Variants in EXOC1 observed in about 807,000 individuals in gnomAD.
EXOC1 encodes the protein exocyst complex component 1.
A neutral mutation model predicts 107.7 loss-of-function variants in EXOC1; 67 were observed. That is an observed-to-expected ratio of 0.62 (90% CI 0.51 to 0.76). The LOEUF is 0.76. Ranked by LOEUF, EXOC1 falls within the 30% of genes least tolerant of loss-of-function variation. The pLI is 0.00. For missense variants in EXOC1, 833 were observed against 1,055.7 expected (o/e 0.79, Z 2.92); for synonymous variants, 348 against 353.5 (o/e 0.98, Z 0.17).
intron 8 of EXOC1, among the ~76,000 whole-genome samples, chr4:55,873,492 T>G (rs1339705105): frequency 1.3e-5 from 2 of 152,208 alleles, no homozygotes; most frequent in Admixed American, 1.3e-4. Context: ...TGTTAGATAG[T>G]ATTGAAAATA....
intron 8 of EXOC1, chr4:55,876,892 T>G (rs1258869352): frequency 3.0e-6 from 3 of 985,246 alleles, no homozygotes; most frequent in Admixed American, 6.1e-5. Flanking sequence ...TTGAAAACAT[T>G]TATGAAGAAG....
Position 55,864,295 on chromosome 4 carries a change from G to T in EXOC1, c.324G>T (p.Lys108Asn), listed in dbSNP as rs748085616. 1.2e-6 allele frequency: 2 copies of T among 1,608,706 alleles called. No homozygotes were observed. Among genetic ancestry groups the T allele is most frequent in the African/African-American group, 1.3e-5 (1 of 74,932 alleles). Reference protein sequence around the residue: ...YKWVASSTAEKNAFISCIWKL... With the variant: ...YKWVASSTAENNAFISCIWKL... ...GGGTTGCCAGCAGCACTGCTGAAAA[G>T]AATGCATTTATTTCATGCATTTGGA... Residue 108 changes from lysine to asparagine, a missense_variant, in exon 4 of 19, where the codon AAG becomes AAT. Lys to Asn is a moderately conservative substitution (Grantham distance 94). Coordinates refer to ENST00000381295, the MANE Select transcript of EXOC1 (RefSeq NM_001024924.2).
In EXOC1 at chr4:55,871,203, C is replaced by CT; in HGVS notation, c.935dup (p.Gln313AlafsTer12). 6.2e-7 allele frequency: 1 copy of CT among 1,613,834 alleles called. No homozygotes were observed. The highest frequency in any genetic ancestry group is 1.1e-5 in the South Asian group (1 of 91,068). On this transcript the variant is annotated frameshift_variant, in exon 7 of 19. Coordinates refer to ENST00000381295, the MANE Select transcript of EXOC1 (RefSeq NM_001024924.2). LOFTEE classifies it high-confidence loss of function. ...CTGCACCAATGCTGCTGATGCCCTT[C>CT]TGCAGTGCATGAATGTAGCTCTTCG...
chr4:55,884,912 A>G (rs1723724847), intron 10 of EXOC1, among the ~76,000 whole-genome samples: 1 of 152,188 alleles, frequency 6.6e-6, no homozygotes, highest in Non-Finnish European at 1.5e-5. Flanking sequence ...AAAATGCAAC[A>G]CTAATATATT....
intron 10 of EXOC1, among the ~76,000 whole-genome samples, chr4:55,884,488 G>C (rs1317387485): frequency 1.3e-5 from 2 of 152,194 alleles, no homozygotes; most frequent in Non-Finnish European, 2.9e-5. Flanking sequence ...TTTCTAAAGA[G>C]ATGCTTTGAT....
At chr4:55,892,550 T>C (rs1341997813) in intron 13 of EXOC1, 85 bp from the exon 14 acceptor site, 1 of 1,060,730 alleles carries the variant, frequency 9.4e-7, no homozygotes, top group East Asian at 2.4e-5. Flanking sequence ...CCTAGGAATT[T>C]TAAGACTGAG....
rs202012870 is a variant in EXOC1 at position 55,892,691 on chromosome 4, A to G, written c.1704A>G (p.Thr568=). Residue 568 remains threonine, a synonymous_variant, in exon 14 of 19, where the codon ACA becomes ACG. Transcript: ENST00000381295. ...GTLSRQHNCG[T]PLPVSSEKDM... ...TATCACGGCAACATAATTGTGGCAC[A>G]CCACTGCCTGTTTCATCTGAGTATG... 1.9e-5 allele frequency: 30 copies of G among 1,614,134 alleles called. No homozygotes were observed. The African/African-American group carries it at 3.2e-4, about 17-fold the overall frequency.
At position 55,870,601 on chromosome 4, in the gene EXOC1, T is replaced by C. The variant is rs1722332879; in HGVS notation, c.604-77T>C. ...TTTAGCAACATTTCACCTTTATTCT[T>C]TTACACATCTAAATAACAAGTATGT... On this transcript the variant is annotated intron_variant, in intron 5 of 18. Transcript: ENST00000381295. 4 of 1,388,966 alleles carry C rather than the reference T, an allele frequency of 2.9e-6. No homozygotes were observed. The East Asian group carries it at 9.5e-5, about 33-fold the overall frequency. 86.0% of individuals were successfully genotyped at this position (1,388,966 alleles called of 1,614,324 possible).
chr4:55,868,345 C>G lies in EXOC1; in HGVS notation c.425C>G (p.Pro142Arg), dbSNP rs2110330192. Residue 142 changes from proline (P) to arginine (R), a missense_variant, in exon 5 of 19, where the codon CCA (proline) becomes CGA (arginine). Physicochemically the swap from Pro to Arg is moderately radical, Grantham distance 103. Coordinates refer to ENST00000381295, the MANE Select transcript of EXOC1 (RefSeq NM_001024924.2). ...TTTTTACCTCTTTAAGAATCTGTTCCAAGTGGAGAAAATCAGAGTGTGACA... is the reference window on the plus strand; with the variant it reads ...TTTTTACCTCTTTAAGAATCTGTTCGAAGTGGAGAAAATCAGAGTGTGACA... ...VSSQLLEESVPSGENQSVTGG... is the reference protein window; with the variant it reads ...VSSQLLEESVRSGENQSVTGG... 6.2e-7 allele frequency: 1 copy of G among 1,608,022 alleles called. No individual in the cohort carries two copies. The highest frequency in any genetic ancestry group is 1.7e-4 in the Middle Eastern group (1 of 6,028).
intron 18 of EXOC1, 111 bp downstream of exon 18, chr4:55,902,649 A>G: frequency 1.3e-6 from 1 of 791,476 alleles, no homozygotes; most frequent in Middle Eastern, 4.1e-4. Flanking sequence ...GAGTTCCATT[A>G]GAGTACAGAC....
chr4:55,890,211 A>T lies in EXOC1; in HGVS notation c.1376-12A>T, dbSNP rs766649855. 66 of 1,612,588 alleles carry T rather than the reference A, an allele frequency of 4.1e-5. No individual in the cohort carries two copies. Among genetic ancestry groups the T allele is most frequent in the Non-Finnish European group, 5.6e-5 (66 of 1,179,162 alleles). ...TGAAGATCACAACTTTCAAAGTTTT[A>T]TTATTTCTTAGGTCTTCATGGAAGT... On this transcript the variant is annotated splice_polypyrimidine_tract_variant and intron_variant, in intron 11 of 18. Transcript: ENST00000381295.
At chr4:55,857,339 C>G (rs192929778) in intron 1 of EXOC1, among the ~76,000 whole-genome samples, 57 of 151,674 alleles carry the variant, frequency 3.8e-4, no homozygotes, top group Admixed American at 1.2e-3. Flanking sequence ...ACCACCATGC[C>G]CGGCTAATTT....
intron 5 of EXOC1, 76 bp from the exon 6 acceptor site, chr4:55,870,602 T>C: frequency 1.4e-6 from 2 of 1,392,186 alleles, no homozygotes; most frequent in Non-Finnish European, 2.0e-6. Flanking sequence ...CTTTATTCTT[T>C]TACACATCTA....
In EXOC1 at chr4:55,873,222, C is replaced by T. The variant is rs191875922; in HGVS notation, c.1074+1264C>T. Among the ~76,000 whole-genome samples the T allele has an allele frequency of 8.0e-4, 121 of 152,024 alleles. 1 individual carries two copies. The highest frequency in any genetic ancestry group is 2.8e-3 in the African/African-American group (116 of 41,482). On this transcript the variant is annotated intron_variant, in intron 8 of 18. Coordinates refer to ENST00000381295, the MANE Select transcript of EXOC1 (RefSeq NM_001024924.2). ...AAGCGAGACAAACAAATAATATACT[C>T]AAGAGGGATAAATGTTATGACAGCG...
Position 55,871,183 on chromosome 4 carries a change from C to T in EXOC1, c.914C>T (p.Thr305Ile), listed in dbSNP as rs866068231. The T allele has an allele frequency of 1.2e-6, 2 of 1,613,864 alleles. No individual in the cohort carries two copies. Among genetic ancestry groups the T allele is most frequent in the Admixed American group, 3.3e-5 (2 of 59,998 alleles). The change falls in exon 7 of 19, where the codon ACC (threonine) becomes ATC (isoleucine). Residue 305 changes from threonine to isoleucine, a missense_variant. By Grantham distance (89) the Thr-to-Ile change is moderately conservative. This residue lies in a region of EXOC1 where 617 missense variants were observed against 701.3 expected (regional missense o/e 0.88). Transcript: ENST00000381295. ...TCTTCCAGAGGCATTGAGGCCTGCA[C>T]CAATGCTGCTGATGCCCTTCTGCAG... is the stretch of plus-strand genomic sequence containing the variant. ...LASSRGIEAC[T>I]NAADALLQCM...
At chr4:55,872,847 G>GTTT in intron 8 of EXOC1, 13 of 708,220 alleles carry the variant, frequency 1.8e-5, no homozygotes, top group Non-Finnish European at 2.2e-5. Flanking sequence ...CTCTGATTCT[G>GTTT]TTTTTTTTTT....
At chr4:55,866,476 G>T (rs551322231) in intron 4 of EXOC1, among the ~76,000 whole-genome samples, 2 of 152,178 alleles carry the variant, frequency 1.3e-5, no homozygotes, top group East Asian at 3.9e-4. Flanking sequence ...CTCTGTGAGG[G>T]AGTGTCTGGG....
intron 17 of EXOC1, among the ~76,000 whole-genome samples, chr4:55,901,589 A>G (rs1725925742): frequency 6.6e-6 from 1 of 152,116 alleles, no homozygotes; most frequent in Non-Finnish European, 1.5e-5. Flanking sequence ...CAATTTATAA[A>G]TGGGGCAAGG....
intron 2 of EXOC1, among the ~76,000 whole-genome samples, chr4:55,859,518 A>G (rs1173482384): frequency 6.6e-6 from 1 of 152,078 alleles, no homozygotes; most frequent in African/African-American, 2.4e-5. Context: ...AATTCTAATT[A>G]TATGTAGACT....
Sources: gnomAD v4.1 joint callset for allele counts (sites outside exome capture counted in the v4.1 genomes callset) on GRCh38, gnomAD v4.1.1 for gene constraint, gnomAD v4.1.1 regional missense constraint, MANE v1.5 for transcripts, NCBI Gene and HGNC (gene_info 2026-07-23, HGNC 2026-07-21) for gene names.